HS6ST2: variants seen among roughly 807,000 people sequenced by gnomAD.
The protein encoded by HS6ST2 is heparan-sulfate 6-O-sulfotransferase 2.
Under a neutral mutation model 33.0 loss-of-function variants are expected in HS6ST2, and 17 were observed. That is an observed-to-expected ratio of 0.52 (90% CI 0.35 to 0.77). The LOEUF (loss-of-function observed/expected upper bound fraction) is 0.77. Ranked by LOEUF, HS6ST2 falls within the 30% of genes least tolerant of loss-of-function variation. The pLI, the probability that HS6ST2 is intolerant of heterozygous loss-of-function variation, is 0.01. For missense variants in HS6ST2, 519 were observed against 551.7 expected (o/e 0.94, Z 0.59); for synonymous variants, 248 against 237.1 (o/e 1.05, Z -0.42).
chrX:132,936,388 A>G (rs1252541325), intron 2 of HS6ST2, among the ~76,000 whole-genome samples: 1 of 111,496 alleles, frequency 9.0e-6, no homozygotes. Flanking sequence ...CTAGTGAATT[A>G]CACCAAAAAT....
chrX:132,850,628 C>T (rs932637297), intron 2 of HS6ST2, among the ~76,000 whole-genome samples: 2 of 110,729 alleles, frequency 1.8e-5, no homozygotes, highest in African/African-American at 6.6e-5. Flanking sequence ...GAGATAGAGG[C>T]GTTAAAGCAC....
chrX:132,907,861 A>G (rs2066489491), intron 2 of HS6ST2, among the ~76,000 whole-genome samples: 1 of 112,395 alleles, frequency 8.9e-6, no homozygotes, highest in African/African-American at 3.2e-5. Flanking sequence ...GTCCTTGGAT[A>G]GGCAATGACT....
At chrX:132,670,181 G>C (rs916926839) in intron 3 of HS6ST2, among the ~76,000 whole-genome samples, 2 of 110,670 alleles carry the variant, frequency 1.8e-5, no homozygotes, top group African/African-American at 6.6e-5. Flanking sequence ...ATGTATCTTT[G>C]CTTTTAATGT....
intron 2 of HS6ST2, among the ~76,000 whole-genome samples, chrX:132,755,529 T>C (rs749794520): frequency 9.1e-6 from 1 of 109,954 alleles, no homozygotes; most frequent in African/African-American, 3.3e-5. Flanking sequence ...GTCAAGAAAA[T>C]ATGGCCCACA....
chrX:132,754,579 T>A (rs1353395694), intron 2 of HS6ST2, among the ~76,000 whole-genome samples: 1 of 108,324 alleles, frequency 9.2e-6, no homozygotes, highest in Non-Finnish European at 1.9e-5. Flanking sequence ...ACCACGCCCA[T>A]CTAATTTTTT....
At chrX:132,777,910 TCA>T (rs1273779072) in intron 2 of HS6ST2, among the ~76,000 whole-genome samples, 1 of 112,161 alleles carries the variant, frequency 8.9e-6, no homozygotes, top group African/African-American at 3.2e-5. Flanking sequence ...AGAACAGTTC[TCA>T]GTCTTTCATG....
chrX:132,683,037 C>T (rs1402477007), intron 3 of HS6ST2, among the ~76,000 whole-genome samples: 1 of 110,847 alleles, frequency 9.0e-6, no homozygotes, highest in African/African-American at 3.3e-5. Flanking sequence ...TCACTTGAGC[C>T]AGGTAGGTCA....
chrX:132,659,864 G>A (rs558299414), intron 4 of HS6ST2, among the ~76,000 whole-genome samples: 2 of 111,340 alleles, frequency 1.8e-5, no homozygotes, highest in Admixed American at 1.9e-4. Context: ...GCACAGTGTT[G>A]GACACACAGA....
chrX:132,794,645 G>A lies in HS6ST2; in HGVS notation c.948-86151C>T, dbSNP rs190948584. On this transcript the variant is annotated intron_variant, in intron 2 of 4. Transcript: ENST00000370833. ...TTGCCATGTTGCCCAGGCTGGTCTC[G>A]AACTCCTGGGCTCAAGCAATCCACC... Among the ~76,000 whole-genome samples, 214 of 109,347 alleles carry A rather than the reference G, an allele frequency of 2.0e-3. 3 individuals are homozygous for A. The Middle Eastern group carries it at 0.052, about 27-fold the overall frequency. 95.0% of individuals were successfully genotyped at this position (109,347 alleles called of 115,157 possible).
At chrX:132,862,036 A>G (rs1015244372) in intron 2 of HS6ST2, among the ~76,000 whole-genome samples, 14 of 111,911 alleles carry the variant, frequency 1.3e-4, no homozygotes, top group Admixed American at 4.8e-4. Context: ...GCCATTTGAA[A>G]TATATTTTCA....
chrX:132,701,457 G>A (rs2064143679), intron 3 of HS6ST2, among the ~76,000 whole-genome samples: 1 of 112,331 alleles, frequency 8.9e-6, no homozygotes, highest in East Asian at 2.8e-4. Context: ...TAGTCATGGA[G>A]TTGATTGTTG....
chrX:132,687,903 C>T (rs1447744138), intron 3 of HS6ST2, among the ~76,000 whole-genome samples: 1 of 111,293 alleles, frequency 9.0e-6, no homozygotes, highest in African/African-American at 3.3e-5. Flanking sequence ...TGCCCACCAC[C>T]ACGCCCAGCT....
At chrX:132,666,668 T>G (rs2063812572) in intron 4 of HS6ST2, among the ~76,000 whole-genome samples, 1 of 111,684 alleles carries the variant, frequency 9.0e-6, no homozygotes. Flanking sequence ...TTAGCCATGA[T>G]GCATATTTGG....
At chrX:132,764,466 T>G (rs775986198) in intron 2 of HS6ST2, among the ~76,000 whole-genome samples, 1 of 112,185 alleles carries the variant, frequency 8.9e-6, no homozygotes, top group Non-Finnish European at 1.9e-5. Context: ...ATTGGCAGTC[T>G]GGGAGTTTAT....
chrX:132,909,990 A>G (rs2066516775), intron 2 of HS6ST2, among the ~76,000 whole-genome samples: 1 of 110,833 alleles, frequency 9.0e-6, no homozygotes, highest in Non-Finnish European at 1.9e-5. Flanking sequence ...TGAGGACATC[A>G]GACGCCCGCA....
At chrX:132,744,346 A>T (rs2064614375) in intron 2 of HS6ST2, among the ~76,000 whole-genome samples, 1 of 111,554 alleles carries the variant, frequency 9.0e-6, no homozygotes, top group Non-Finnish European at 1.9e-5. Context: ...TTCTCTCCTT[A>T]AGAAGAAACT....
At chrX:132,709,456 A>G (rs903249655) in intron 2 of HS6ST2, among the ~76,000 whole-genome samples, 20 of 111,589 alleles carry the variant, frequency 1.8e-4, no homozygotes, top group African/African-American at 6.5e-4. Context: ...CCTTTGAATC[A>G]TCATTTGAGA....
intron 2 of HS6ST2, among the ~76,000 whole-genome samples, chrX:132,874,034 C>T (rs1311258304): frequency 1.8e-5 from 2 of 111,475 alleles, no homozygotes; most frequent in Non-Finnish European, 3.8e-5. Flanking sequence ...TCTCTTCATG[C>T]AGCCAGAGGC....
chrX:132,658,290 G>T lies in HS6ST2; in HGVS notation c.1067+10823C>A, dbSNP rs139154713. 1.0e-3 allele frequency among the ~76,000 whole-genome samples: 112 copies of T among 111,464 alleles called. No individual in the cohort carries two copies. The East Asian group carries it at 0.014, about 14-fold the overall frequency. On this transcript the variant is annotated intron_variant, in intron 4 of 4. Coordinates refer to ENST00000370833, the MANE Select transcript of HS6ST2 (RefSeq NM_001394073.1). ...CATGGAGTAGTTCTCAGGATTAAAT[G>T]AAATAATGCATGCATTTAAAGCACT...
Sources: gnomAD v4.1 joint callset for allele counts (sites outside exome capture counted in the v4.1 genomes callset) on GRCh38, gnomAD v4.1.1 for gene constraint, MANE v1.5 for transcripts, NCBI Gene and HGNC (gene_info 2026-07-23, HGNC 2026-07-21) for gene names.